LIPN: variants seen among roughly 807,000 people sequenced by gnomAD.
LIPN encodes lipase family member N.
LIPN carries 32 observed loss-of-function variants against 43.7 expected under a neutral mutation model. That is an observed-to-expected ratio of 0.73 (90% CI 0.55 to 0.98). The LOEUF (loss-of-function observed/expected upper bound fraction) is 0.98, where lower values mean the gene tolerates loss of function less well. Among genes scored for constraint, LIPN ranks in the 50% least tolerant of loss-of-function variants. LIPN has a pLI of 0.00. For missense variants in LIPN, 505 were observed against 483.8 expected, an observed-to-expected ratio of 1.04 and a Z score of -0.41; for synonymous variants, 156 against 157.6, an observed-to-expected ratio of 0.99 and a Z score of 0.08.
chr10:88,773,405 A>T (rs1390362472), intron 7 of LIPN, among the ~76,000 whole-genome samples: 1 of 151,902 alleles, frequency 6.6e-6, no homozygotes, highest in Non-Finnish European at 1.5e-5. Flanking sequence ...AATCCTAAAA[A>T]AGGAGAGAAG....
chr10:88,766,440 A>C (rs959429572), intron 5 of LIPN, 62 bp downstream of exon 5: 2 of 945,734 alleles, frequency 2.1e-6, no homozygotes, highest in Non-Finnish European at 3.5e-6. Context: ...AGAGTCTTAC[A>C]GGAGTTCACC....
rs182605175 is a variant in LIPN at position 88,761,287 on chromosome 10, C to T, written c.-8-111C>T. On this transcript the variant is annotated intron_variant, in intron 1 of 9. Coordinates refer to ENST00000404459, the MANE Select transcript of LIPN (RefSeq NM_001102469.2). ...TTCCTTTTTATACATTATCTGCCTT[C>T]GGTGTTATTCAAGTTTTCATTAATC... is the stretch of plus-strand genomic sequence containing the variant. The T allele has an allele frequency of 7.6e-4, 532 of 699,764 alleles. 1 individual carries two copies. The highest frequency in any genetic ancestry group is 1.2e-3 in the Non-Finnish European group (450 of 389,136). The allele number at this position is 699,764 out of a possible 1,614,324, so 43.3% of individuals were successfully genotyped here.
chr10:88,768,853 G>T lies in LIPN; in HGVS notation c.597G>T (p.Leu199Phe), dbSNP rs773353942. The T allele has an allele frequency of 9.9e-6, 16 of 1,611,388 alleles. No homozygotes were observed. In the Admixed American group the frequency reaches 2.7e-4, roughly 27 times the overall value. Residue 199 changes from leucine to phenylalanine, a missense_variant, in exon 6 of 10, where the codon TTG (leucine) becomes TTT (phenylalanine). Transcript: ENST00000404459. ...LAQRIKMNFA[L>F]GPTISFKYPT... ...AAAGAATCAAAATGAATTTTGCCTT[G>T]GGTCCTACGATCTCATTCAAATATC...
chr10:88,770,412 T>C (rs1301484434), intron 6 of LIPN, among the ~76,000 whole-genome samples: 4 of 151,128 alleles, frequency 2.6e-5, no homozygotes, highest in African/African-American at 7.3e-5. Flanking sequence ...CTGTTCTACA[T>C]TTCATACCAA....
chr10:88,759,533 T>A (rs1204543435), upstream of LIPN, among the ~76,000 whole-genome samples: 1 of 152,124 alleles, frequency 6.6e-6, no homozygotes, highest in Non-Finnish European at 1.5e-5. Flanking sequence ...TGAATTAGTT[T>A]CCTCTGCCAT....
intron 1 of LIPN, 76 bp from the exon 2 acceptor site, chr10:88,761,322 T>C: frequency 1.1e-6 from 1 of 889,508 alleles, no homozygotes; most frequent in Admixed American, 1.9e-5. Context: ...CATTAATAAT[T>C]TCACTAATCA....
In LIPN at chr10:88,766,297, C is replaced by G. The variant is rs1843095800; in HGVS notation, c.454C>G (p.Pro152Ala). 1 of 1,606,784 alleles carries G rather than the reference C, an allele frequency of 6.2e-7. No homozygotes were observed. The highest frequency in any genetic ancestry group is 1.7e-4 in the Middle Eastern group (1 of 6,024). ...TGATGAAATGGCCAAATATGATCTCCCAGGAGTAATAGACTTCATTGTAAA... is the reference window on the plus strand; with the variant it reads ...TGATGAAATGGCCAAATATGATCTCGCAGGAGTAATAGACTTCATTGTAAA... ...SFDEMAKYDLPGVIDFIVNKT... is the reference protein window; with the variant it reads ...SFDEMAKYDLAGVIDFIVNKT... Residue 152 changes from proline (P) to alanine (A), a missense_variant, in exon 5 of 10, where the codon CCA becomes GCA. By Grantham distance (27) the Pro-to-Ala change is conservative. Coordinates refer to ENST00000404459, the MANE Select transcript of LIPN (RefSeq NM_001102469.2).
At position 88,761,389 on chromosome 10, in the gene LIPN, T is replaced by G. The variant is rs770905868; in HGVS notation, c.-8-9T>G. On this transcript the variant is annotated splice_polypyrimidine_tract_variant and intron_variant, in intron 1 of 9. Transcript: ENST00000404459. ...AATTAATCTGTGAATATTAAATGTT[T>G]TATGCCAGGCATTTCTATGATGTGG... 1 of 1,483,262 alleles carries G rather than the reference T, an allele frequency of 6.7e-7. No homozygotes were observed. Among genetic ancestry groups the G allele is most frequent in the South Asian group, 1.1e-5 (1 of 88,300 alleles). The allele number at this position is 1,483,262 out of a possible 1,614,324, so 91.9% of individuals were successfully genotyped here. A position where few individuals can be genotyped will look rare whatever the true frequency, so the allele number is the denominator to read the frequency against.
At chr10:88,774,931 G>A (rs1473619814) in intron 8 of LIPN, among the ~76,000 whole-genome samples, 161 bp from the exon 9 acceptor site, 1 of 151,688 alleles carries the variant, frequency 6.6e-6, no homozygotes, top group Non-Finnish European at 1.5e-5. Flanking sequence ...TCATCTTTCT[G>A]TTGAGCCCCG....
At position 88,768,862 on chromosome 10, in the gene LIPN, G is replaced by A. The variant is rs767490963; in HGVS notation, c.606G>A (p.Thr202=). The A allele has an allele frequency of 1.2e-5, 19 of 1,611,228 alleles. No individual in the cohort carries two copies. Among genetic ancestry groups the A allele is most frequent in the Middle Eastern group, 1.6e-4 (1 of 6,066 alleles). Residue 202 remains threonine, a synonymous_variant, in exon 6 of 10, where the codon ACG becomes ACA. Transcript: ENST00000404459. ...RIKMNFALGP[T]ISFKYPTGIF... ...AAATGAATTTTGCCTTGGGTCCTAC[G>A]ATCTCATTCAAATATCCCACGGGCA...
At chr10:88,767,127 C>A (rs1843115538) in intron 5 of LIPN, among the ~76,000 whole-genome samples, 1 of 151,884 alleles carries the variant, frequency 6.6e-6, no homozygotes, top group Admixed American at 6.6e-5. Context: ...TGTCATTGAA[C>A]TTCCACTAAA....
intron 5 of LIPN, 36 bp from the exon 6 acceptor site, chr10:88,768,756 A>G: frequency 6.3e-7 from 1 of 1,592,930 alleles, no homozygotes; most frequent in Non-Finnish European, 8.6e-7. Context: ...GTAAGTATTT[A>G]TTTTTACAAG....
chr10:88,763,521 T>C (rs972072354), intron 3 of LIPN, among the ~76,000 whole-genome samples: 1 of 152,064 alleles, frequency 6.6e-6, no homozygotes, highest in Non-Finnish European at 1.5e-5. Flanking sequence ...CAATATGAGA[T>C]GGGTACCACT....
chr10:88,761,778 T>TC, intron 2 of LIPN, among the ~76,000 whole-genome samples: 1 of 76,868 alleles, frequency 1.3e-5, no homozygotes, highest in African/African-American at 9.3e-5. Flanking sequence ...TATCTATCTA[T>TC]TTATCTATCT....
chr10:88,775,665 C>T lies in LIPN; in HGVS notation c.963+502C>T, dbSNP rs189944015. ...ATTACCCAACATTGAAGACTTGGGT[C>T]GTAAGGCATCTTTCTCCATATAGCT... On this transcript the variant is annotated intron_variant, in intron 9 of 9. Transcript: ENST00000404459. 8.5e-5 allele frequency among the ~76,000 whole-genome samples: 13 copies of T among 152,082 alleles called. No individual in the cohort carries two copies. The South Asian group carries it at 1.0e-3, about 12-fold the overall frequency.
intron 5 of LIPN, among the ~76,000 whole-genome samples, chr10:88,767,644 C>CAAAAAAAAAAA (rs61646268): frequency 8.1e-5 from 5 of 61,522 alleles, no homozygotes; most frequent in Non-Finnish European, 1.5e-4. Flanking sequence ...ACTTGATCTG[C>CAAAAAAAAAAA]AAAAAAAAAA....
intron 7 of LIPN, among the ~76,000 whole-genome samples, chr10:88,773,670 A>G (rs1843247875): frequency 6.6e-6 from 1 of 151,936 alleles, no homozygotes; most frequent in Admixed American, 6.6e-5. Flanking sequence ...ATAGCAGCCA[A>G]TGAGGCTGTT....
At chr10:88,775,828 T>C (rs1843288318) in intron 9 of LIPN, among the ~76,000 whole-genome samples, 1 of 151,986 alleles carries the variant, frequency 6.6e-6, no homozygotes, top group East Asian at 1.9e-4. Context: ...TTAAGTATTT[T>C]CCCAGGCTAT....
rs771937323 is a variant in LIPN at position 88,768,942 on chromosome 10, A to G, written c.672+14A>G. 1 of 1,608,306 alleles carries G rather than the reference A, an allele frequency of 6.2e-7. No individual in the cohort carries two copies. Among genetic ancestry groups the G allele is most frequent in the East Asian group, 2.2e-5 (1 of 44,742 alleles). Reference sequence around the variant, plus strand: ...TCCATAATCAAGGTAGGCTCCTTTCAACAAAATGTACCTGAGGATCTCATT... The same window carrying G: ...TCCATAATCAAGGTAGGCTCCTTTCGACAAAATGTACCTGAGGATCTCATT... On this transcript the variant is annotated intron_variant, in intron 6 of 9. Transcript: ENST00000404459.
Sources: allele counts gnomAD v4.1 joint callset (sites outside exome capture counted in the v4.1 genomes callset), GRCh38; gene constraint gnomAD v4.1.1; transcripts MANE v1.5; gene names NCBI Gene and HGNC (gene_info 2026-07-23, HGNC 2026-07-21).